PKHD1L1: variants seen among roughly 807,000 people sequenced by gnomAD.
The protein encoded by PKHD1L1 is fibrocystin-L.
Under a neutral mutation model 462.9 loss-of-function variants are expected in PKHD1L1, and 434 were observed. The observed-to-expected ratio is 0.94, with a 90% CI of 0.87 to 1.02. The LOEUF (loss-of-function observed/expected upper bound fraction) is 1.02, where lower values mean the gene tolerates loss of function less well. PKHD1L1 is among the 50% of genes least tolerant of loss of function. The probability of loss-of-function intolerance (pLI) is 0.00; values close to 1 mark genes in which losing one functional copy is unlikely to be tolerated. For synonymous variants in PKHD1L1, 1,781 were observed against 1,750.0 expected (o/e 1.02, Z -0.44); for missense variants, 5,202 against 5,096.1 (o/e 1.02, Z -0.63).
chr8:109,460,628 C>G (rs879679834), intron 47 of PKHD1L1, among the ~76,000 whole-genome samples: 1 of 152,126 alleles, frequency 6.6e-6, no homozygotes, highest in Non-Finnish European at 1.5e-5. Context: ...CTGTGACAAC[C>G]AAAAGTGTTT....
chr8:109,388,623 G>A, intron 7 of PKHD1L1, 73 bp downstream of exon 7: 1 of 1,005,658 alleles, frequency 9.9e-7, no homozygotes, highest in Non-Finnish European at 1.5e-6. Flanking sequence ...AATAGTAATT[G>A]CTACCAATAC....
rs796463002 is a variant in PKHD1L1 at position 109,466,762 on chromosome 8, C to T, written c.8598C>T (p.Asp2866=). ...SLLEKDVVLS[D]SFGTSIIPFQ... is the part of the protein sequence containing the mutation. ...TTGAAAAGGATGTGGTTCTTTCAGACTCTTTTGGTAAGTGGAATATATTAG... is the reference window on the plus strand; with the variant it reads ...TTGAAAAGGATGTGGTTCTTTCAGATTCTTTTGGTAAGTGGAATATATTAG... The change falls in exon 50 of 78, where the codon GAC becomes GAT. Residue 2866 remains aspartate (D), a synonymous_variant. Coordinates refer to ENST00000378402, the MANE Select transcript of PKHD1L1 (RefSeq NM_177531.6). The T allele has an allele frequency of 7.4e-6, 12 of 1,611,180 alleles. No individual in the cohort carries two copies. In the African/African-American group the frequency reaches 1.5e-4, roughly 20 times the overall value.
chr8:109,510,929 A>C lies in PKHD1L1; in HGVS notation c.11548A>C (p.Asn3850His), dbSNP rs1819942653. ...ACTGATGTTGCTTAATGTTGATCAT[A>C]ACAAGGTAGGGCAAGATGTCTTAAG... ...LRLMLLNVDH[N>H]KAVLVGIFFS... The change falls in exon 71 of 78, where the codon AAC (asparagine) becomes CAC (histidine). Residue 3850 changes from asparagine (N) to histidine (H), a missense_variant. Transcript: ENST00000378402. 1 of 1,612,462 alleles carries C rather than the reference A, an allele frequency of 6.2e-7. No individual in the cohort carries two copies. The highest frequency in any genetic ancestry group is 8.5e-7 in the Non-Finnish European group (1 of 1,179,086).
intron 44 of PKHD1L1, 57 bp downstream of exon 44, chr8:109,454,303 A>G: frequency 8.3e-7 from 1 of 1,204,030 alleles, no homozygotes; most frequent in Non-Finnish European, 1.2e-6. Flanking sequence ...TCATTTTTTT[A>G]AATACTATGT....
At position 109,497,042 on chromosome 8, in the gene PKHD1L1, G is replaced by A; in HGVS notation, c.10451G>A (p.Cys3484Tyr). Residue 3484 changes from cysteine (C) to tyrosine (Y), a missense_variant, in exon 64 of 78, where the codon TGC becomes TAC. This residue lies in a region of PKHD1L1 where 4,497 missense variants were observed against 4,336.8 expected (regional missense o/e 1.04). Coordinates refer to ENST00000378402, the MANE Select transcript of PKHD1L1 (RefSeq NM_177531.6). ...SLIQGFTIWTCWDYGIYFQTT... is the reference protein window; with the variant it reads ...SLIQGFTIWTYWDYGIYFQTT... ...ATACAAGGATTTACCATTTGGACAT[G>A]CTGGGATTATGGAATTTATTTTCAG... is the stretch of plus-strand genomic sequence containing the variant. 1 of 1,613,562 alleles carries A rather than the reference G, an allele frequency of 6.2e-7. No individual in the cohort carries two copies. Among genetic ancestry groups the A allele is most frequent in the East Asian group, 2.2e-5 (1 of 44,844 alleles).
chr8:109,465,091 T>C lies in PKHD1L1; in HGVS notation c.8259T>C (p.Ala2753=). 1 of 1,613,848 alleles carries C rather than the reference T, an allele frequency of 6.2e-7. No individual in the cohort carries two copies. The highest frequency in any genetic ancestry group is 8.5e-7 in the Non-Finnish European group (1 of 1,179,796). ...ACTTTGACCGTCCCAACTGTGTAGC[T>C]TTGGGAGTGACATCCATCTCTGGAG... is the stretch of plus-strand genomic sequence containing the variant. ...FMNFDRPNCV[A]LGVTSISGVC... is the part of the protein sequence containing the mutation. Residue 2753 remains alanine, a synonymous_variant, in exon 49 of 78, where the codon GCT becomes GCC. Coordinates refer to ENST00000378402, the MANE Select transcript of PKHD1L1 (RefSeq NM_177531.6).
intron 24 of PKHD1L1, among the ~76,000 whole-genome samples, chr8:109,425,478 A>G (rs1433506775): frequency 1.3e-5 from 2 of 151,942 alleles, no homozygotes; most frequent in Admixed American, 1.3e-4. Flanking sequence ...TCTTTTTAAT[A>G]GATTAGGAAA....
chr8:109,534,658 TTCCCCTCCCCAGAGAGTAGC>T lies in PKHD1L1; in HGVS notation c.*4570_*4589del, dbSNP rs1200762237. Among the ~76,000 whole-genome samples, 1 of 152,080 alleles carries T rather than the reference TTCCCCTCCCCAGAGAGTAGC, an allele frequency of 6.6e-6. No individual in the cohort carries two copies. The highest frequency in any genetic ancestry group is 6.6e-5 in the Admixed American group (1 of 15,266). ...AAATATTAAGATTTATTCCCCCAAT[TTCCCCTCCCCAGAGAGTAGC>T]TACAGACACACTGTGTAAGACCAAA... On this transcript the variant is annotated 3_prime_UTR_variant, in exon 78 of 78. Transcript: ENST00000378402.
rs764747168 is a variant in PKHD1L1, at chr8:109,445,587, G to C, written c.5718G>C (p.Leu1906Phe). Residue 1906 changes from leucine (L) to phenylalanine (F), a missense_variant, in exon 38 of 78, where the codon TTG becomes TTC. Physicochemically the swap from Leu to Phe is conservative, Grantham distance 22. This residue lies in a region of PKHD1L1 where 4,497 missense variants were observed against 4,336.8 expected (regional missense o/e 1.04). Transcript: ENST00000378402. ...TTAATACAATTGCTTATCCACCTTT[G>C]CTTTTTACATATGCCCTGGAGGATA... ...IFVNTIAYPP[L>F]LFTYALEDTP... 6.2e-7 allele frequency: 1 copy of C among 1,611,010 alleles called. No individual in the cohort carries two copies. The highest frequency in any genetic ancestry group is 1.1e-5 in the South Asian group (1 of 90,556).
intron 2 of PKHD1L1, among the ~76,000 whole-genome samples, chr8:109,374,758 G>C (rs1811714475): frequency 6.6e-6 from 1 of 152,062 alleles, no homozygotes; most frequent in South Asian, 2.1e-4. Context: ...CTTCACTTAT[G>C]AAGCTTAGTT....
chr8:109,527,071 G>T, intron 77 of PKHD1L1, 51 bp downstream of exon 77: 1 of 1,439,980 alleles, frequency 6.9e-7, no homozygotes, highest in African/African-American at 1.4e-5. Flanking sequence ...AAGTACCAGT[G>T]TTTACTGGAT....
At chr8:109,431,227 T>A (rs530366503) in intron 27 of PKHD1L1, among the ~76,000 whole-genome samples, 2 of 152,282 alleles carry the variant, frequency 1.3e-5, no homozygotes, top group South Asian at 4.1e-4. Context: ...AACTATTTCT[T>A]ACCCAATATA....
intron 4 of PKHD1L1, among the ~76,000 whole-genome samples, chr8:109,383,125 GT>G (rs577265753): frequency 0.03 from 2,687 of 89,404 alleles, 117 homozygotes; most frequent in African/African-American, 0.11. Flanking sequence ...ATAATATATA[GT>G]TATATATATT....
chr8:109,475,140 G>A lies in PKHD1L1; in HGVS notation c.8628G>A (p.Gln2876=). 2.5e-6 allele frequency: 4 copies of A among 1,609,132 alleles called. No homozygotes were observed. The highest frequency in any genetic ancestry group is 3.4e-6 in the Non-Finnish European group (4 of 1,177,914). The change falls in exon 51 of 78, where the codon CAG becomes CAA. Residue 2876 remains glutamine, a synonymous_variant. Coordinates refer to ENST00000378402, the MANE Select transcript of PKHD1L1 (RefSeq NM_177531.6). ...DSFGTSIIPF[Q]KKRLTHMSGW... ...TAGGCACAAGCATTATTCCATTTCA[G>A]AAGAAACGACTGACTCATATGTCTG... is the stretch of plus-strand genomic sequence containing the variant.
chr8:109,467,113 G>C (rs1039089926), intron 50 of PKHD1L1, among the ~76,000 whole-genome samples: 1 of 152,044 alleles, frequency 6.6e-6, no homozygotes, highest in African/African-American at 2.4e-5. Flanking sequence ...GAGATGGGAT[G>C]GGGGAGCATT....
chr8:109,390,407 T>G, intron 8 of PKHD1L1, 45 bp from the exon 9 acceptor site: 1 of 1,164,040 alleles, frequency 8.6e-7, no homozygotes. Context: ...ATTGTTCTTC[T>G]GTGACTGGGA....
chr8:109,394,918 G>A (rs551860633), intron 10 of PKHD1L1, among the ~76,000 whole-genome samples: 3 of 152,168 alleles, frequency 2.0e-5, no homozygotes, highest in Admixed American at 6.5e-5. Flanking sequence ...GCTTAGCTTA[G>A]CTTTCCTTAA....
At chr8:109,392,948 T>A (rs1812782346) in intron 9 of PKHD1L1, among the ~76,000 whole-genome samples, 1 of 152,168 alleles carries the variant, frequency 6.6e-6, no homozygotes, top group African/African-American at 2.4e-5. Flanking sequence ...AAATGCCTAG[T>A]CATTATCAAT....
chr8:109,463,564 A>G (rs1817254899), intron 48 of PKHD1L1, among the ~76,000 whole-genome samples: 1 of 151,802 alleles, frequency 6.6e-6, no homozygotes, highest in Non-Finnish European at 1.5e-5. Context: ...GCATGCACAC[A>G]CGCACATACA....
Sources: allele counts gnomAD v4.1 joint callset (sites outside exome capture counted in the v4.1 genomes callset), GRCh38; gene constraint gnomAD v4.1.1; regional missense constraint gnomAD v4.1.1; transcripts MANE v1.5; gene names NCBI Gene and HGNC (gene_info 2026-07-23, HGNC 2026-07-21).